Variants in TNFRSF10B observed in about 807,000 individuals in gnomAD.
TNFRSF10B encodes the protein TNF receptor superfamily member 10b.
Under a neutral mutation model 41.4 loss-of-function variants are expected in TNFRSF10B, and 35 were observed. The observed-to-expected ratio is 0.85, with a 90% CI of 0.65 to 1.12. TNFRSF10B has a LOEUF of 1.12. TNFRSF10B is among the 50% of genes most tolerant of loss of function. The pLI is 0.00. For synonymous variants in TNFRSF10B, 230 were observed against 215.5 expected (o/e 1.07, Z -0.59); for missense variants, 584 against 552.7 (o/e 1.06, Z -0.57).
intron 1 of TNFRSF10B, 69 bp downstream of exon 1, chr8:23,068,682 C>G: frequency 6.5e-7 from 1 of 1,532,124 alleles, no homozygotes; most frequent in Non-Finnish European, 8.8e-7. Context: ...GCCGTGTCCC[C>G]CTCTCTCCCT....
At chr8:23,048,117 C>T (rs950996231) in intron 1 of TNFRSF10B, among the ~76,000 whole-genome samples, 7 of 152,192 alleles carry the variant, frequency 4.6e-5, no homozygotes, top group African/African-American at 1.7e-4. Flanking sequence ...AAGAGAAATA[C>T]TGTATGTTTT....
At chr8:23,024,087 T>G (rs1349452216) in intron 8 of TNFRSF10B, 101 bp downstream of exon 8, 17 of 1,472,544 alleles carry the variant, frequency 1.2e-5, no homozygotes, top group Non-Finnish European at 1.6e-5. Context: ...GCTTCCAGCA[T>G]GGAATACTCT....
At chr8:23,050,368 G>A (rs1263829283) in intron 1 of TNFRSF10B, among the ~76,000 whole-genome samples, 1 of 152,224 alleles carries the variant, frequency 6.6e-6, no homozygotes, top group Non-Finnish European at 1.5e-5. Context: ...TCTCTGCTGA[G>A]AGGCCTCTGG....
At chr8:23,024,467 T>C (rs1811641779) in intron 7 of TNFRSF10B, among the ~76,000 whole-genome samples, 1 of 151,910 alleles carries the variant, frequency 6.6e-6, no homozygotes, top group South Asian at 2.1e-4. Context: ...TAGGAGTGTA[T>C]ATTTTTAAAA....
chr8:23,068,908 G>A lies in TNFRSF10B; in HGVS notation c.-14C>T. 2 of 1,613,350 alleles carry A rather than the reference G, an allele frequency of 1.2e-6. No homozygotes were observed. Among genetic ancestry groups the A allele is most frequent in the Non-Finnish European group, 8.5e-7 (1 of 1,179,948 alleles). On this transcript the variant is annotated 5_prime_UTR_variant, in exon 1 of 9. Coordinates refer to ENST00000276431, the MANE Select transcript of TNFRSF10B (RefSeq NM_003842.5). The stretch of plus-strand genomic sequence containing the variant: ...CCGTTGTTCCATGGCGGTAGGGAAC[G>A]CTCTTATAGTCTCTCAGGCCCGTGG...
Position 23,022,489 on chromosome 8 carries a change from A to G in TNFRSF10B, c.*182T>C. ...TTATCACATTCAGCTTATAAAAATA[A>G]TGCCAAGTGCAGTGAAAAGTTACAG... is the stretch of plus-strand genomic sequence containing the variant. On this transcript the variant is annotated 3_prime_UTR_variant, in exon 9 of 9. Transcript: ENST00000276431. 2.8e-6 allele frequency: 2 copies of G among 713,860 alleles called. No homozygotes were observed. The highest frequency in any genetic ancestry group is 5.0e-6 in the Non-Finnish European group (2 of 397,884). 44.2% of individuals were successfully genotyped at this position (713,860 alleles called of 1,614,324 possible). A position where few individuals can be genotyped will look rare whatever the true frequency, so the allele number is the denominator to read the frequency against.
chr8:23,065,297 A>C (rs1285238294), intron 1 of TNFRSF10B, among the ~76,000 whole-genome samples: 4 of 152,238 alleles, frequency 2.6e-5, no homozygotes, highest in African/African-American at 9.6e-5. Flanking sequence ...GACAGCCTCC[A>C]GCTACAGCAG....
chr8:23,031,481 C>A (rs1811882119), intron 2 of TNFRSF10B, among the ~76,000 whole-genome samples: 1 of 151,954 alleles, frequency 6.6e-6, no homozygotes, highest in Non-Finnish European at 1.5e-5. Flanking sequence ...GCACCCTCGA[C>A]CTCCCGGACC....
At chr8:23,037,869 G>C (rs963932547) in intron 2 of TNFRSF10B, among the ~76,000 whole-genome samples, 21 of 152,192 alleles carry the variant, frequency 1.4e-4, no homozygotes, top group African/African-American at 5.1e-4. Flanking sequence ...GGTGGAAGCA[G>C]GAATGGCCCC....
chr8:23,052,576 A>G (rs554399572), intron 1 of TNFRSF10B, among the ~76,000 whole-genome samples: 8 of 152,258 alleles, frequency 5.3e-5, no homozygotes, highest in South Asian at 2.1e-4. Flanking sequence ...GTGAGCCACC[A>G]CGCCTGGCCA....
chr8:23,050,379 G>A (rs1224080849), intron 1 of TNFRSF10B, among the ~76,000 whole-genome samples: 1 of 152,186 alleles, frequency 6.6e-6, no homozygotes, highest in Non-Finnish European at 1.5e-5. Context: ...AGGCCTCTGG[G>A]AAGGAGAAAG....
At chr8:23,028,253 C>T (rs187284298) in intron 5 of TNFRSF10B, 78 bp downstream of exon 5, 162 of 1,598,468 alleles carry the variant, frequency 1.0e-4, no homozygotes, top group Middle Eastern at 2.1e-4. Flanking sequence ...CAGGGGCAGG[C>T]GTTTCTGTCT....
intron 2 of TNFRSF10B, among the ~76,000 whole-genome samples, chr8:23,038,747 TTGGAGATCAAGTA>T (rs1472766716): frequency 1.3e-5 from 2 of 152,158 alleles, no homozygotes; most frequent in African/African-American, 4.8e-5. Context: ...TTTCCATTAC[TTGGAGATCAAGTA>T]TGGTTTAAAA....
chr8:23,028,044 C>T (rs899143363), intron 5 of TNFRSF10B: 9 of 598,768 alleles, frequency 1.5e-5, no homozygotes, highest in Non-Finnish European at 2.7e-5. Context: ...GTTGAGGAGC[C>T]GACTGCCCCC....
rs1030138451 is a variant in TNFRSF10B at position 23,020,519 on chromosome 8, C to T, written c.*2152G>A. The stretch of plus-strand genomic sequence containing the variant: ...CCAGCCTGACCAACATGGTGAAACC[C>T]CGTCTCTACTAAAAATACAAAAATT... On this transcript the variant is annotated 3_prime_UTR_variant, in exon 9 of 9. Transcript: ENST00000276431. The T allele has an allele frequency of 1.8e-5, 8 of 449,602 alleles. No individual in the cohort carries two copies. The highest frequency in any genetic ancestry group is 3.6e-5 in the Non-Finnish European group (8 of 223,868). 27.9% of individuals were successfully genotyped at this position (449,602 alleles called of 1,614,324 possible).
intron 5 of TNFRSF10B, 93 bp from the exon 6 acceptor site, chr8:23,027,846 C>T (rs769758956): frequency 3.4e-5 from 51 of 1,492,180 alleles, no homozygotes; most frequent in Non-Finnish European, 4.1e-5. Flanking sequence ...GGGCTGGGGG[C>T]TGGGACACTG....
chr8:23,036,542 G>A (rs1357115234), intron 2 of TNFRSF10B, among the ~76,000 whole-genome samples: 1 of 152,202 alleles, frequency 6.6e-6, no homozygotes, highest in Admixed American at 6.5e-5. Context: ...CTGAAGGACA[G>A]TGGTGAAAAG....
chr8:23,022,567 T>A lies in TNFRSF10B; in HGVS notation c.*104A>T, dbSNP rs1213545412. On this transcript the variant is annotated 3_prime_UTR_variant, in exon 9 of 9. Transcript: ENST00000276431. ...ATGGGAGAGTTTCTTCCAGTACCGG[T>A]CATGTGACAATTGTGGCACTTTCCT... The A allele has an allele frequency of 4.0e-6, 5 of 1,237,302 alleles. No individual in the cohort carries two copies. Among genetic ancestry groups the A allele is most frequent in the Non-Finnish European group, 5.8e-6 (5 of 856,010 alleles). 76.6% of individuals were successfully genotyped at this position (1,237,302 alleles called of 1,614,324 possible).
intron 1 of TNFRSF10B, among the ~76,000 whole-genome samples, chr8:23,048,168 T>C (rs1812417467): frequency 6.6e-6 from 1 of 151,408 alleles, no homozygotes; most frequent in Non-Finnish European, 1.5e-5. Context: ...GCACGGTGGC[T>C]CATGCCTGAA....
Sources: allele counts gnomAD v4.1 joint callset (sites outside exome capture counted in the v4.1 genomes callset), GRCh38; gene constraint gnomAD v4.1.1; transcripts MANE v1.5; gene names NCBI Gene and HGNC (gene_info 2026-07-23, HGNC 2026-07-21).